The following ERCC4 variants were observed in gnomAD, a reference collection of about 807,000 sequenced individuals.
The protein encoded by ERCC4 is ERCC excision repair 4, endonuclease catalytic subunit.
A neutral mutation model predicts 76.9 loss-of-function variants in ERCC4; 65 were observed. The ratio of observed to expected loss-of-function variants is 0.84; its 90% CI spans 0.69 to 1.04. ERCC4 has a LOEUF of 1.04. ERCC4 is among the 50% of genes least tolerant of loss of function. The pLI is 0.00. For synonymous variants in ERCC4, 463 were observed against 410.1 expected (o/e 1.13, Z -1.56); for missense variants, 1,214 against 1,128.2 (o/e 1.08, Z -1.09).
At chr16:13,922,274 T>G in intron 2 of ERCC4, 63 bp downstream of exon 2, 1 of 1,105,944 alleles carries the variant, frequency 9.0e-7, no homozygotes, top group South Asian at 1.3e-5. Flanking sequence ...TAAGTACAAT[T>G]TCCATTTTAT....
chr16:13,927,015 T>C (rs545724483), intron 3 of ERCC4, among the ~76,000 whole-genome samples: 26 of 152,364 alleles, frequency 1.7e-4, no homozygotes, highest in Admixed American at 1.6e-3. Context: ...ACAGCCACTT[T>C]ATTCTTTCTT....
intron 2 of ERCC4, chr16:13,922,475 C>A: frequency 1.3e-6 from 1 of 755,284 alleles, no homozygotes; most frequent in African/African-American, 1.7e-5. Flanking sequence ...TTTAGCTTCA[C>A]ATACATCTTG....
At position 13,952,232 on chromosome 16, in the gene ERCC4, AT is replaced by A. The variant is rs2032640195; in HGVS notation, c.*3886del. 1 of 187,728 alleles carries A rather than the reference AT, an allele frequency of 5.3e-6. No homozygotes were observed. Among genetic ancestry groups the A allele is most frequent in the African/African-American group, 2.3e-5 (1 of 42,802 alleles). 11.6% of individuals were successfully genotyped at this position (187,728 alleles called of 1,614,324 possible). On this transcript the variant is annotated 3_prime_UTR_variant, in exon 11 of 11. Transcript: ENST00000311895. ...TTTTATGGGCAAAGTAAAAATAACA[AT>A]GCATAGTGAAAGGGCATATATTACC...
rs751008601 is a variant in ERCC4 at position 13,920,203 on chromosome 16, C to A, written c.38C>A (p.Ala13Glu). The A allele has an allele frequency of 1.2e-6, 2 of 1,607,040 alleles. No individual in the cohort carries two copies. The highest frequency in any genetic ancestry group is 2.2e-5 in the East Asian group (1 of 44,892). ...SGQPARRIAM[A>E]PLLEYERQLV... ...CAGCCGGCTCGACGGATTGCCATGGCGCCGCTGCTGGAGTACGAGCGACAG... is the reference window on the plus strand; with the variant it reads ...CAGCCGGCTCGACGGATTGCCATGGAGCCGCTGCTGGAGTACGAGCGACAG... The change falls in exon 1 of 11, where the codon GCG becomes GAG. Residue 13 changes from alanine (A) to glutamate (E), a missense_variant. Coordinates refer to ENST00000311895, the MANE Select transcript of ERCC4 (RefSeq NM_005236.3).
At chr16:13,921,212 C>T (rs1185824167) in intron 1 of ERCC4, among the ~76,000 whole-genome samples, 1 of 152,108 alleles carries the variant, frequency 6.6e-6, no homozygotes, top group Non-Finnish European at 1.5e-5. Flanking sequence ...ATAGGACATT[C>T]ACCAAGGCTG....
Position 13,937,790 on chromosome 16 carries a change from T to G in ERCC4, c.1836T>G (p.Gly612=). Residue 612 remains glycine (G), a synonymous_variant, in exon 9 of 11, where the codon GGT becomes GGG. Coordinates refer to ENST00000311895, the MANE Select transcript of ERCC4 (RefSeq NM_005236.3). ...GGGTTTACTTTCTTATATACGGAGG[T>G]TCAACTGAGGAACAACGCTATCTCA... The part of the protein sequence containing the change: ...PLRVYFLIYG[G]STEEQRYLTA... The G allele has an allele frequency of 6.2e-7, 1 of 1,613,228 alleles. No homozygotes were observed. The highest frequency in any genetic ancestry group is 8.5e-7 in the Non-Finnish European group (1 of 1,179,236).
chr16:13,939,920 A>T (rs949910477), intron 9 of ERCC4, among the ~76,000 whole-genome samples: 3 of 152,184 alleles, frequency 2.0e-5, no homozygotes, highest in Non-Finnish European at 4.4e-5. Flanking sequence ...TTCGCTCATT[A>T]AAATAATTGT....
At chr16:13,928,326 TTGC>T in intron 4 of ERCC4, 91 bp downstream of exon 4, 1 of 924,228 alleles carries the variant, frequency 1.1e-6, no homozygotes, top group East Asian at 2.5e-5. Flanking sequence ...TAATAGGAAT[TTGC>T]TGTTATTTAA....
rs568887126 is a variant in ERCC4 at position 13,945,637 on chromosome 16, C to G, written c.2017+802C>G. On this transcript the variant is annotated intron_variant, in intron 10 of 10. Coordinates refer to ENST00000311895, the MANE Select transcript of ERCC4 (RefSeq NM_005236.3). ...AACCCTCAATTCATAGAAATTCCAA[C>G]TCAGTGGATGTGAAATGGAGCCAGC... 6.6e-5 allele frequency among the ~76,000 whole-genome samples: 10 copies of G among 152,296 alleles called. 1 individual carries two copies. In the South Asian group the frequency reaches 1.9e-3, roughly 28 times the overall value.
intron 10 of ERCC4, among the ~76,000 whole-genome samples, chr16:13,947,281 C>G (rs770079385): frequency 3.3e-5 from 5 of 152,136 alleles, no homozygotes; most frequent in Non-Finnish European, 5.9e-5. Context: ...CAGGCTTTGT[C>G]CTAGGAATTG....
rs376858695 is a variant in ERCC4, at chr16:13,947,237, A to G, written c.2018-377A>G. ...GATTTGCTCAGTGAGCATTTTTAAC[A>G]TCTACTGGGGCCGCTATTTTAAGCC... On this transcript the variant is annotated intron_variant, in intron 10 of 10. Transcript: ENST00000311895. Among the ~76,000 whole-genome samples the G allele has an allele frequency of 2.4e-4, 36 of 152,230 alleles. No individual in the cohort carries two copies. In the East Asian group the frequency reaches 2.5e-3, roughly 11 times the overall value.
In ERCC4 at chr16:13,926,584, A is replaced by G; in HGVS notation, c.412A>G (p.Arg138Gly). The change falls in exon 3 of 11, where the codon AGA becomes GGA. Residue 138 changes from arginine to glycine, a missense_variant. Coordinates refer to ENST00000311895, the MANE Select transcript of ERCC4 (RefSeq NM_005236.3). The part of the protein sequence containing the change: ...ITGILVYRAH[R>G]IIESCQEAFI... ...AGGCATCTTGGTGTATAGAGCCCAC[A>G]GAATAATCGAGTCTTGTCAAGAAGC... The G allele has an allele frequency of 6.2e-7, 1 of 1,614,166 alleles. No individual in the cohort carries two copies. The highest frequency in any genetic ancestry group is 8.5e-7 in the Non-Finnish European group (1 of 1,180,014).
chr16:13,920,833 G>C (rs965100319), intron 1 of ERCC4, among the ~76,000 whole-genome samples: 7 of 151,932 alleles, frequency 4.6e-5, no homozygotes, highest in Non-Finnish European at 1.0e-4. Flanking sequence ...TGCAGGCACA[G>C]TGAGAATGAT....
Position 13,930,878 on chromosome 16 carries a change from G to C in ERCC4, c.961G>C (p.Gly321Arg). Residue 321 changes from glycine (G) to arginine (R), a missense_variant, in exon 5 of 11, where the codon GGT becomes CGT. Physicochemically the swap from Gly to Arg is moderately radical, Grantham distance 125. Transcript: ENST00000311895. ...ESLRATEKAFGQNSGWLFLDS... is the reference protein window; with the variant it reads ...ESLRATEKAFRQNSGWLFLDS... The stretch of plus-strand genomic sequence containing the variant: ...TCTGAGAGCAACGGAAAAAGCTTTT[G>C]GTCAGAATTCAGGTGGGAGATTAAA... 6.2e-7 allele frequency: 1 copy of C among 1,610,830 alleles called. No individual in the cohort carries two copies. The highest frequency in any genetic ancestry group is 8.5e-7 in the Non-Finnish European group (1 of 1,177,140).
In ERCC4 at chr16:13,922,227, CTTA is replaced by C. The variant is rs373361309; in HGVS notation, c.388+23_388+25del. 3 of 1,508,698 alleles carry C rather than the reference CTTA, an allele frequency of 2.0e-6. No individual in the cohort carries two copies. Among genetic ancestry groups the C allele is most frequent in the South Asian group, 2.3e-5 (2 of 86,060 alleles). The allele number at this position is 1,508,698 out of a possible 1,614,324, so 93.5% of individuals were successfully genotyped here. A position where few individuals can be genotyped will look rare whatever the true frequency, so the allele number is the denominator to read the frequency against. On this transcript the variant is annotated intron_variant, in intron 2 of 10. Coordinates refer to ENST00000311895, the MANE Select transcript of ERCC4 (RefSeq NM_005236.3). ...TTAATTACTGGTAAGAATTTGAAAT[CTTA>C]TTATTAGTATGTAAATTTGTACTTT...
In ERCC4 at chr16:13,922,049, C is replaced by T. The variant is rs753534967; in HGVS notation, c.226C>T (p.Leu76=). 1 of 1,613,374 alleles carries T rather than the reference C, an allele frequency of 6.2e-7. No individual in the cohort carries two copies. The highest frequency in any genetic ancestry group is 2.2e-5 in the East Asian group (1 of 44,848). ...GATTTAGGAGTATTTTATCAATCAGCTGAAGATAGAAGGAGTTGAACACCT... is the reference window on the plus strand; with the variant it reads ...GATTTAGGAGTATTTTATCAATCAGTTGAAGATAGAAGGAGTTGAACACCT... ...PAEEEYFINQ[L]KIEGVEHLPR... Residue 76 remains leucine, a synonymous_variant, in exon 2 of 11, where the codon CTG becomes TTG. Transcript: ENST00000311895.
intron 9 of ERCC4, among the ~76,000 whole-genome samples, chr16:13,943,468 G>A (rs749405949): frequency 2.6e-5 from 4 of 152,122 alleles, no homozygotes; most frequent in Non-Finnish European, 2.9e-5. Context: ...ATCAGATCTC[G>A]TGAGAACTCA....
chr16:13,950,866 T>C lies in ERCC4; in HGVS notation c.*2519T>C, dbSNP rs1342478617. ...TAAAGCTACCATTTTCAACCGTCCTTGTTATCTAGTACAACATAAATAACA... is the reference window on the plus strand; with the variant it reads ...TAAAGCTACCATTTTCAACCGTCCTCGTTATCTAGTACAACATAAATAACA... On this transcript the variant is annotated 3_prime_UTR_variant, in exon 11 of 11. Coordinates refer to ENST00000311895, the MANE Select transcript of ERCC4 (RefSeq NM_005236.3). 5.1e-6 allele frequency: 1 copy of C among 196,848 alleles called. No homozygotes were observed. The highest frequency in any genetic ancestry group is 7.9e-5 in the East Asian group (1 of 12,676). The allele number at this position is 196,848 out of a possible 1,614,324, so 12.2% of individuals were successfully genotyped here.
rs779366136 is a variant in ERCC4 at position 13,944,797 on chromosome 16, C to A, written c.1979C>A (p.Thr660Lys). Residue 660 changes from threonine to lysine, a missense_variant, in exon 10 of 11, where the codon ACA becomes AAA. Physicochemically the swap from Thr to Lys is moderately conservative, Grantham distance 78 (BLOSUM62 -1). Coordinates refer to ENST00000311895, the MANE Select transcript of ERCC4 (RefSeq NM_005236.3). ...ACAAACTTAGACCTAGTAAGAGGCA[C>A]AGCATCTGCAGATGTTTCCACTGAC... ...DETNLDLVRG[T>K]ASADVSTDTR... 2 of 1,613,686 alleles carry A rather than the reference C, an allele frequency of 1.2e-6. No homozygotes were observed. The highest frequency in any genetic ancestry group is 1.7e-6 in the Non-Finnish European group (2 of 1,179,566).
Sources: gnomAD v4.1 joint callset for allele counts (sites outside exome capture counted in the v4.1 genomes callset) on GRCh38, gnomAD v4.1.1 for gene constraint, MANE v1.5 for transcripts, NCBI Gene and HGNC (gene_info 2026-07-23, HGNC 2026-07-21) for gene names.